Variants in KIF5C observed in about 807,000 individuals in gnomAD.
KIF5C encodes kinesin heavy chain isoform 5C.
A neutral mutation model predicts 125.2 loss-of-function variants in KIF5C; 18 were observed. The ratio of observed to expected loss-of-function variants is 0.14; its 90% CI spans 0.10 to 0.21. The LOEUF (loss-of-function observed/expected upper bound fraction) is 0.21. KIF5C is among the 10% of genes least tolerant of loss of function. The probability of loss-of-function intolerance (pLI) is 1.00; values close to 1 mark genes in which losing one functional copy is unlikely to be tolerated. For synonymous variants in KIF5C, 405 were observed against 434.0 expected, an observed-to-expected ratio of 0.93 and a Z score of 0.83; for missense variants, 780 against 1,183.8, an observed-to-expected ratio of 0.66 and a Z score of 5.01.
At chr2:148,987,701 G>A (rs895189207) in intron 15 of KIF5C, among the ~76,000 whole-genome samples, 5 of 152,076 alleles carry the variant, frequency 3.3e-5, no homozygotes, top group Admixed American at 2.0e-4. Context: ...GATTTTATTT[G>A]TATTTCTTGG....
At chr2:148,899,566 G>C (rs1680808740) in intron 1 of KIF5C, among the ~76,000 whole-genome samples, 1 of 151,952 alleles carries the variant, frequency 6.6e-6, no homozygotes, top group South Asian at 2.1e-4. Flanking sequence ...AGCCGGGCGT[G>C]GTGGTGGGCG....
chr2:148,893,065 C>T (rs527670929), intron 1 of KIF5C, among the ~76,000 whole-genome samples: 1 of 152,262 alleles, frequency 6.6e-6, no homozygotes, highest in African/African-American at 2.4e-5. Context: ...AATCTTAGAA[C>T]AAGGTTTGCT....
intron 1 of KIF5C, among the ~76,000 whole-genome samples, chr2:148,906,092 T>C (rs1173116937): frequency 6.6e-6 from 1 of 152,016 alleles, no homozygotes; most frequent in Non-Finnish European, 1.5e-5. Context: ...CAGATGGGTT[T>C]ACCTAGGAGG....
At chr2:148,922,715 A>G (rs948794340) in intron 2 of KIF5C, among the ~76,000 whole-genome samples, 17 of 152,226 alleles carry the variant, frequency 1.1e-4, no homozygotes, top group African/African-American at 3.6e-4. Flanking sequence ...ACAGTGTCAT[A>G]AAATCACATT....
At chr2:149,019,620 C>T (rs1682472929) in intron 25 of KIF5C, among the ~76,000 whole-genome samples, 1 of 152,180 alleles carries the variant, frequency 6.6e-6, no homozygotes, top group African/African-American at 2.4e-5. Context: ...TGTTCCTCCA[C>T]AGCAGATTGT....
chr2:148,998,831 CAA>C (rs58960407), intron 19 of KIF5C: 33 of 62,368 alleles, frequency 5.3e-4, no homozygotes, highest in East Asian at 7.1e-4. Context: ...ATGAAAGCAC[CAA>C]AAAAAAAAAA....
chr2:148,954,857 TG>T (rs1682754756), intron 10 of KIF5C, among the ~76,000 whole-genome samples: 1 of 152,176 alleles, frequency 6.6e-6, no homozygotes, highest in Non-Finnish European at 1.5e-5. Context: ...ATGAGCATTT[TG>T]GCCAAGGCAG....
chr2:148,945,793 A>G (rs968331811), intron 7 of KIF5C, among the ~76,000 whole-genome samples: 3 of 152,062 alleles, frequency 2.0e-5, no homozygotes, highest in African/African-American at 7.2e-5. Context: ...AAGATTGTTT[A>G]GGCTATTTGG....
intron 1 of KIF5C, among the ~76,000 whole-genome samples, chr2:148,907,658 G>A (rs1432722607): frequency 6.6e-6 from 1 of 152,210 alleles, no homozygotes; most frequent in Non-Finnish European, 1.5e-5. Flanking sequence ...CCAGCCTGTG[G>A]GCATCAGGGG....
chr2:149,020,550 C>T (rs1382398536), intron 25 of KIF5C, among the ~76,000 whole-genome samples: 2 of 152,140 alleles, frequency 1.3e-5, no homozygotes, highest in East Asian at 3.8e-4. Context: ...TGAGGCCGCC[C>T]CATTGCATTT....
chr2:148,875,585 C>A lies in KIF5C; in HGVS notation c.-33C>A, dbSNP rs1558866647. 4 of 1,023,206 alleles carry A rather than the reference C, an allele frequency of 3.9e-6. No homozygotes were observed. Among genetic ancestry groups the A allele is most frequent in the Non-Finnish European group, 4.4e-6 (3 of 682,296 alleles). 63.4% of individuals were successfully genotyped at this position (1,023,206 alleles called of 1,614,324 possible). ...TCGTTCCCGGCCCCGGCCCCCCACC[C>A]ATCCCCGTGCCCCCTCCCTACCGCC... On this transcript the variant is annotated 5_prime_UTR_variant, in exon 1 of 26. Coordinates refer to ENST00000435030, the MANE Select transcript of KIF5C (RefSeq NM_004522.3).
intron 19 of KIF5C, 71 bp from the exon 20 acceptor site, chr2:149,000,352 C>A: frequency 6.6e-7 from 1 of 1,520,544 alleles, no homozygotes; most frequent in Non-Finnish European, 8.9e-7. Context: ...GGAACAGAAC[C>A]ACGGTTTTAG....
At chr2:148,927,212 C>T (rs1682035789) in intron 2 of KIF5C, among the ~76,000 whole-genome samples, 1 of 152,110 alleles carries the variant, frequency 6.6e-6, no homozygotes, top group Admixed American at 6.6e-5. Context: ...TAGTGATGGA[C>T]CCAGAGGCGT....
chr2:148,958,700 G>C (rs1182823252), intron 10 of KIF5C, among the ~76,000 whole-genome samples: 1 of 151,746 alleles, frequency 6.6e-6, no homozygotes, highest in Non-Finnish European at 1.5e-5. Context: ...AGAAATCTTT[G>C]GCCAGGCATG....
At chr2:148,930,194 A>G (rs1682143131) in intron 3 of KIF5C, among the ~76,000 whole-genome samples, 1 of 152,144 alleles carries the variant, frequency 6.6e-6, no homozygotes, top group Non-Finnish European at 1.5e-5. Flanking sequence ...ATTGACTTAC[A>G]TACCTGCTCC....
At chr2:149,020,863 G>T (rs572250617) in intron 25 of KIF5C, among the ~76,000 whole-genome samples, 3 of 152,186 alleles carry the variant, frequency 2.0e-5, no homozygotes, top group Admixed American at 1.3e-4. Flanking sequence ...TTCTAATTCT[G>T]GCAATAAGCC....
chr2:148,983,865 T>A (rs1290912472), intron 15 of KIF5C, 99 bp downstream of exon 15: 3 of 1,323,642 alleles, frequency 2.3e-6, no homozygotes, highest in Non-Finnish European at 2.9e-6. Flanking sequence ...CACTGTGCTT[T>A]GCATCTGCCA....
intron 22 of KIF5C, among the ~76,000 whole-genome samples, chr2:149,007,218 T>C (rs1249454454): frequency 6.6e-6 from 1 of 152,200 alleles, no homozygotes. Flanking sequence ...GCTGCAGGTT[T>C]GAGATGCTCA....
rs1028436407 is a variant in KIF5C, at chr2:149,023,058, C to G, written c.*8-20C>G. On this transcript the variant is annotated intron_variant, in intron 25 of 25. Coordinates refer to ENST00000435030, the MANE Select transcript of KIF5C (RefSeq NM_004522.3). ...GTGTTTTCTAATTCCTATGTTCTCTCTTTGGTTCTCTTTCAACAGATATGA... is the reference window on the plus strand; with the variant it reads ...GTGTTTTCTAATTCCTATGTTCTCTGTTTGGTTCTCTTTCAACAGATATGA... The G allele has an allele frequency of 1.3e-5, 2 of 152,154 alleles. No homozygotes were observed. Among genetic ancestry groups the G allele is most frequent in the Non-Finnish European group, 2.9e-5 (2 of 68,026 alleles). 9.4% of individuals were successfully genotyped at this position (152,154 alleles called of 1,614,324 possible).
Sources: gnomAD v4.1 joint callset for allele counts (sites outside exome capture counted in the v4.1 genomes callset) on GRCh38, gnomAD v4.1.1 for gene constraint, MANE v1.5 for transcripts, NCBI Gene and HGNC (gene_info 2026-07-23, HGNC 2026-07-21) for gene names.